The following WDR90 variants were observed in gnomAD, a reference collection of about 807,000 sequenced individuals.
WDR90 encodes the protein WD repeat-containing protein 90.
In WDR90, 238 loss-of-function variants were observed where a neutral mutation model predicts 195.2. The ratio of observed to expected loss-of-function variants is 1.22; its 90% CI spans 1.10 to 1.36. The LOEUF is 1.36. Among genes scored for constraint, WDR90 ranks in the 40% most tolerant of loss-of-function variants. WDR90 has a pLI of 0.00. For synonymous variants in WDR90, 1,265 were observed against 1,052.4 expected (o/e 1.20, Z -3.91); for missense variants, 2,734 against 2,439.5 (o/e 1.12, Z -2.54).
chr16:649,785 C>T lies in WDR90; in HGVS notation c.33C>T (p.Asn11=), dbSNP rs764019252. The change falls in exon 2 of 41, where the codon AAC becomes AAT. Residue 11 remains asparagine (N), a synonymous_variant. Coordinates refer to ENST00000293879, the MANE Select transcript of WDR90 (RefSeq NM_145294.5). ...CAGCGTGGCAGCACCCGTTCCTCAACGTCTTCAGACACTTCCGGGTGGACG... is the reference window on the plus strand; with the variant it reads ...CAGCGTGGCAGCACCCGTTCCTCAATGTCTTCAGACACTTCCGGGTGGACG... MARAWQHPFL[N]VFRHFRVDEW... is the part of the protein sequence containing the mutation. 12 of 1,569,924 alleles carry T rather than the reference C, an allele frequency of 7.6e-6. No individual in the cohort carries two copies. The South Asian group carries it at 1.0e-4, about 14-fold the overall frequency.
At position 655,094 on chromosome 16, in the gene WDR90, G is replaced by A. The variant is rs375969735; in HGVS notation, c.1503G>A (p.Ala501=). The A allele has an allele frequency of 4.3e-6, 7 of 1,612,724 alleles. No individual in the cohort carries two copies. The highest frequency in any genetic ancestry group is 4.0e-5 in the African/African-American group (3 of 74,934). The change falls in exon 14 of 41, where the codon GCG becomes GCA. Residue 501 remains alanine (A), a synonymous_variant. Coordinates refer to ENST00000293879, the MANE Select transcript of WDR90 (RefSeq NM_145294.5). ...LGGEVVVLAK[A]HTDFDVQAFR... ...GCGAGGTGGTCGTTCTGGCAAAGGCGCACACTGACTTTGACGTCCAGGCCT... is the reference window on the plus strand; with the variant it reads ...GCGAGGTGGTCGTTCTGGCAAAGGCACACACTGACTTTGACGTCCAGGCCT...
chr16:664,033 G>T (rs1425546750), intron 34 of WDR90, among the ~76,000 whole-genome samples: 1 of 152,202 alleles, frequency 6.6e-6, no homozygotes, highest in Non-Finnish European at 1.5e-5. Flanking sequence ...ATTTGGAGAT[G>T]ACGATAGCCA....
At chr16:658,746 G>A in intron 23 of WDR90, 93 bp downstream of exon 23, 3 of 1,560,678 alleles carry the variant, frequency 1.9e-6, no homozygotes, top group East Asian at 4.6e-5. Context: ...GGCAGGGAGA[G>A]CAGAAGGTGA....
intron 17 of WDR90, 130 bp from the exon 18 acceptor site, chr16:656,172 T>G (rs1227197040): frequency 2.6e-5 from 24 of 932,688 alleles, no homozygotes; most frequent in Non-Finnish European, 1.6e-6. Context: ...AGCTGCATCT[T>G]GCAGCCGTGT....
chr16:651,314 C>G (rs759775790), intron 7 of WDR90, 48 bp downstream of exon 7: 1 of 1,595,262 alleles, frequency 6.3e-7, no homozygotes, highest in Non-Finnish European at 8.6e-7. Flanking sequence ...CTGTAGGGTG[C>G]GTGGGGCTCG....
chr16:657,277 C>G (rs2037779492), intron 20 of WDR90, 56 bp downstream of exon 20: 14 of 1,484,018 alleles, frequency 9.4e-6, no homozygotes, highest in East Asian at 2.5e-5. Flanking sequence ...AGGCCTGGAT[C>G]TGGTGCAGGC....
Position 666,192 on chromosome 16 carries a change from G to A in WDR90, c.4610-28G>A, listed in dbSNP as rs770534795. ...GCCCAGGTCCAGTCTCCGGGCTGGG[G>A]GCTCACAGGGTGACGGCATGGTCCC... On this transcript the variant is annotated intron_variant, in intron 36 of 40. Transcript: ENST00000293879. The A allele has an allele frequency of 1.3e-5, 21 of 1,607,036 alleles. No homozygotes were observed. In the African/African-American group the frequency reaches 2.4e-4, roughly 18 times the overall value.
In WDR90 at chr16:660,707, G is replaced by A. The variant is rs748059373; in HGVS notation, c.3384G>A (p.Pro1128=). ...GNGRANMVWR[P]DTGFFAYTCG... ...GGCGGGCCAACATGGTCTGGAGGCC[G>A]GACACAGGTGGGGGCCAAGAGCCTA... The change falls in exon 28 of 41, where the codon CCG becomes CCA. Residue 1128 remains proline (P), a synonymous_variant. Transcript: ENST00000293879. The A allele has an allele frequency of 5.8e-6, 9 of 1,564,080 alleles. No homozygotes were observed. Among genetic ancestry groups the A allele is most frequent in the East Asian group, 2.4e-5 (1 of 41,764 alleles).
chr16:659,433 G>A lies in WDR90; in HGVS notation c.3184+57G>A, dbSNP rs916189872. On this transcript the variant is annotated intron_variant, in intron 26 of 40. Transcript: ENST00000293879. Reference sequence around the variant, plus strand: ...GATTCGGGGGTCTGAGAGGGCACAGGCCCAGTGGCAGCAGGTACTCACGCA... The same window carrying A: ...GATTCGGGGGTCTGAGAGGGCACAGACCCAGTGGCAGCAGGTACTCACGCA... 4.5e-6 allele frequency: 7 copies of A among 1,562,096 alleles called. No homozygotes were observed. The Admixed American group carries it at 7.7e-5, about 17-fold the overall frequency.
intron 18 of WDR90, 33 bp from the exon 19 acceptor site, chr16:656,699 T>C: frequency 6.3e-7 from 1 of 1,596,384 alleles, no homozygotes; most frequent in South Asian, 1.1e-5. Context: ...TTGAGATCCC[T>C]GCCCTCCCCT....
In WDR90 at chr16:655,706, A is replaced by T. The variant is rs1210750151; in HGVS notation, c.1849+3A>T. On this transcript the variant is annotated splice_donor_region_variant and intron_variant, in intron 16 of 40. Transcript: ENST00000293879. ...ACAGAAGCAGACCTTCAGCTCAGGTAAGAGGGCGCCCACCACGTGGCCAGG... is the reference window on the plus strand; with the variant it reads ...ACAGAAGCAGACCTTCAGCTCAGGTTAGAGGGCGCCCACCACGTGGCCAGG... The T allele has an allele frequency of 1.3e-6, 2 of 1,589,482 alleles. No individual in the cohort carries two copies. Among genetic ancestry groups the T allele is most frequent in the African/African-American group, 2.7e-5 (2 of 74,512 alleles).
rs1263243196 is a variant in WDR90 at position 656,379 on chromosome 16, C to A, written c.2044C>A (p.Leu682Met). The A allele has an allele frequency of 6.2e-7, 1 of 1,609,116 alleles. No homozygotes were observed. The highest frequency in any genetic ancestry group is 1.3e-5 in the African/African-American group (1 of 74,846). Residue 682 changes from leucine (L) to methionine (M), a missense_variant, in exon 18 of 41, where the codon CTG (leucine) becomes ATG (methionine). By Grantham distance (15) the Leu-to-Met change is conservative (BLOSUM62 2). Coordinates refer to ENST00000293879, the MANE Select transcript of WDR90 (RefSeq NM_145294.5). The part of the protein sequence containing the change: ...RVLSATSSGH[L>M]GFLDTLSRVY... Reference sequence around the variant, plus strand: ...GCTGTCTGCCACCTCCTCGGGCCACCTGGGCTTCCTGGACACGCTGTCCCG... The same window carrying A: ...GCTGTCTGCCACCTCCTCGGGCCACATGGGCTTCCTGGACACGCTGTCCCG...
At position 660,720 on chromosome 16, in the gene WDR90, G is replaced by T. The variant is rs1161528618; in HGVS notation, c.3391+6G>T. ...GGTCTGGAGGCCGGACACAGGTGGG[G>T]GCCAAGAGCCTACCCCCACCCCCAG... On this transcript the variant is annotated splice_donor_region_variant and intron_variant, in intron 28 of 40. Transcript: ENST00000293879. 6.4e-7 allele frequency: 1 copy of T among 1,550,392 alleles called. No homozygotes were observed. The highest frequency in any genetic ancestry group is 1.9e-5 in the Admixed American group (1 of 52,380).
intron 34 of WDR90, 29 bp downstream of exon 34, chr16:662,873 G>T (rs776018490): frequency 6.5e-7 from 1 of 1,537,762 alleles, no homozygotes; most frequent in South Asian, 1.2e-5. Context: ...GGGCAGAGGC[G>T]GGGCAGCCGA....
intron 34 of WDR90, chr16:663,591 G>T (rs373813731): frequency 1.8e-5 from 3 of 170,008 alleles, no homozygotes; most frequent in Admixed American, 1.1e-4. Flanking sequence ...TCTGGGTCAG[G>T]TCTGTTCAGG....
At position 655,827 on chromosome 16, in the gene WDR90, G is replaced by C. The variant is rs370376692; in HGVS notation, c.1904G>C (p.Gly635Ala). The C allele has an allele frequency of 1.6e-5, 25 of 1,597,284 alleles. No individual in the cohort carries two copies. The highest frequency in any genetic ancestry group is 2.1e-5 in the Non-Finnish European group (25 of 1,173,822). Reference sequence around the variant, plus strand: ...GTCTCCCCGGCCATGTGTGCTGTGGGCTCTGAGGACGGCTTCTTGCGGCTC... The same window carrying C: ...GTCTCCCCGGCCATGTGTGCTGTGGCCTCTGAGGACGGCTTCTTGCGGCTC... ...LSVSPAMCAV[G>A]SEDGFLRLWP... The change falls in exon 17 of 41, where the codon GGC becomes GCC. Residue 635 changes from glycine (G) to alanine (A), a missense_variant. Physicochemically the swap from Gly to Ala is moderately conservative, Grantham distance 60 (BLOSUM62 0). Transcript: ENST00000293879.
Position 660,699 on chromosome 16 carries a change from T to A in WDR90, c.3376T>A (p.Trp1126Arg). 1 of 1,571,170 alleles carries A rather than the reference T, an allele frequency of 6.4e-7. No homozygotes were observed. Among genetic ancestry groups the A allele is most frequent in the Non-Finnish European group, 8.6e-7 (1 of 1,158,462 alleles). Residue 1126 changes from tryptophan (W) to arginine (R), a missense_variant, in exon 28 of 41, where the codon TGG (tryptophan) becomes AGG (arginine). Physicochemically the swap from Trp to Arg is moderately radical, Grantham distance 101. Transcript: ENST00000293879. ...YSGNGRANMV[W>R]RPDTGFFAYT... is the part of the protein sequence containing the mutation. ...CGGGAATGGGCGGGCCAACATGGTC[T>A]GGAGGCCGGACACAGGTGGGGGCCA... is the stretch of plus-strand genomic sequence containing the variant.
intron 7 of WDR90, 68 bp downstream of exon 7, chr16:651,334 G>A (rs2037643521): frequency 6.4e-7 from 1 of 1,552,600 alleles, no homozygotes; most frequent in Non-Finnish European, 8.8e-7. Context: ...GGTAGGAGAG[G>A]GCAGGGCTGG....
chr16:660,579 G>A, intron 27 of WDR90, 33 bp from the exon 28 acceptor site: 1 of 1,548,564 alleles, frequency 6.5e-7, no homozygotes, highest in East Asian at 2.4e-5. Context: ...GCCATGCTGG[G>A]CCCCAGCAGC....
Sources: allele counts gnomAD v4.1 joint callset (sites outside exome capture counted in the v4.1 genomes callset), GRCh38; gene constraint gnomAD v4.1.1; transcripts MANE v1.5; gene names NCBI Gene and HGNC (gene_info 2026-07-23, HGNC 2026-07-21).